The following COX4I1 variants were observed in gnomAD, a reference collection of about 807,000 sequenced individuals.
COX4I1 encodes the protein cytochrome c oxidase subunit 4I1.
In COX4I1, 18 loss-of-function variants were observed where a neutral mutation model predicts 21.7. That is an observed-to-expected ratio of 0.83 (90% CI 0.57 to 1.23). The LOEUF is 1.23. Among genes scored for constraint, COX4I1 ranks in the 50% most tolerant of loss-of-function variants. The pLI, the probability that COX4I1 is intolerant of heterozygous loss-of-function variation, is 0.00. For missense variants in COX4I1, 238 were observed against 220.7 expected (o/e 1.08, Z -0.50); for synonymous variants, 100 against 81.5 (o/e 1.23, Z -1.23).
At chr16:85,801,348 C>T (rs966454617) in intron 2 of COX4I1, 70 bp downstream of exon 2, 1 of 1,386,498 alleles carries the variant, frequency 7.2e-7, no homozygotes, top group Admixed American at 1.7e-5. Flanking sequence ...TGTATAAAGC[C>T]CTGTGCTGGA....
chr16:85,806,103 T>C (rs778117517), intron 4 of COX4I1: 312 of 602,976 alleles, frequency 5.2e-4, no homozygotes, highest in Non-Finnish European at 7.5e-4. Flanking sequence ...TGAAATACCT[T>C]AACTACTTTG....
chr16:85,806,600 G>A (rs1906222840), intron 4 of COX4I1, 138 bp from the exon 5 acceptor site: 1 of 1,238,430 alleles, frequency 8.1e-7, no homozygotes, highest in Non-Finnish European at 1.2e-6. Flanking sequence ...GAAACCGTGT[G>A]TTTGAGCGGG....
At position 85,805,116 on chromosome 16, in the gene COX4I1, A is replaced by G; in HGVS notation, c.241+12A>G. ...TGAGAAAGTCGAGTGTGGGTATTGAAGGGACCCACAGGCGCGCCCAGCAGC... is the reference window on the plus strand; with the variant it reads ...TGAGAAAGTCGAGTGTGGGTATTGAGGGGACCCACAGGCGCGCCCAGCAGC... On this transcript the variant is annotated intron_variant, in intron 3 of 4. Coordinates refer to ENST00000253452, the MANE Select transcript of COX4I1 (RefSeq NM_001861.6). 6.2e-7 allele frequency: 1 copy of G among 1,605,878 alleles called. No homozygotes were observed. Among genetic ancestry groups the G allele is most frequent in the Non-Finnish European group, 8.5e-7 (1 of 1,176,724 alleles).
rs756438050 is a variant in COX4I1, at chr16:85,805,824, C to G, written c.333C>G (p.Ile111Met). Residue 111 changes from isoleucine (I) to methionine (M), a missense_variant, in exon 4 of 5, where the codon ATC becomes ATG. Ile to Met is a conservative substitution (Grantham distance 10, BLOSUM62 1). Transcript: ENST00000253452. Reference sequence around the variant, plus strand: ...TTGTGGGCGGTGCCATGTTCTTCATCGGTTTCACCGCGCTCGTTATCATGT... The same window carrying G: ...TTGTGGGCGGTGCCATGTTCTTCATGGGTTTCACCGCGCTCGTTATCATGT... ...KTVVGGAMFF[I>M]GFTALVIMWQ... 5 of 1,614,104 alleles carry G rather than the reference C, an allele frequency of 3.1e-6. No homozygotes were observed. The highest frequency in any genetic ancestry group is 4.2e-6 in the Non-Finnish European group (5 of 1,180,054).
At chr16:85,804,761 C>T in intron 2 of COX4I1, 176 bp from the exon 3 acceptor site, 1 of 574,998 alleles carries the variant, frequency 1.7e-6, no homozygotes. Context: ...ATGAGAAGTG[C>T]TTCTGTTCCC....
Position 85,805,734 on chromosome 16 carries a change from G to A in COX4I1, c.243G>A (p.Leu81=), listed in dbSNP as rs750829937. 1.9e-6 allele frequency: 3 copies of A among 1,614,226 alleles called. No homozygotes were observed. The East Asian group carries it at 6.7e-5, about 36-fold the overall frequency. The change falls in exon 4 of 5, where the codon TTG becomes TTA. Residue 81 remains leucine, a splice_region_variant and synonymous_variant. Coordinates refer to ENST00000253452, the MANE Select transcript of COX4I1 (RefSeq NM_001861.6). ...SSLSMDEKVE[L]YRIKFKESFA... ...AATGGCTGTCCTCTCTGCCCCCAGT[G>A]TATCGCATTAAGTTCAAGGAGAGCT...
Position 85,806,801 on chromosome 16 carries a change from T to G in COX4I1, c.437T>G (p.Leu146Arg), listed in dbSNP as rs1303407874. 1 of 1,614,096 alleles carries G rather than the reference T, an allele frequency of 6.2e-7. No individual in the cohort carries two copies. Among genetic ancestry groups the G allele is most frequent in the Non-Finnish European group, 8.5e-7 (1 of 1,180,036 alleles). The change falls in exon 5 of 5, where the codon CTG (leucine) becomes CGG (arginine). Residue 146 changes from leucine (L) to arginine (R), a missense_variant. Coordinates refer to ENST00000253452, the MANE Select transcript of COX4I1 (RefSeq NM_001861.6). ...EWVAKQTKRM[L>R]DMKVNPIQGL... is the part of the protein sequence containing the mutation. ...GTGGCCAAGCAGACCAAGAGGATGC[T>G]GGACATGAAGGTGAACCCCATCCAG...
chr16:85,802,296 C>G (rs950383895), intron 2 of COX4I1, among the ~76,000 whole-genome samples: 3 of 152,242 alleles, frequency 2.0e-5, no homozygotes, highest in East Asian at 3.8e-4. Flanking sequence ...TCAGGAAGCT[C>G]CCTGTCACCT....
intron 3 of COX4I1, 185 bp from the exon 4 acceptor site, chr16:85,805,548 C>T (rs2152084140): frequency 1.3e-6 from 1 of 779,562 alleles, no homozygotes. Context: ...CTTGCCCTGT[C>T]ACATGCCTGC....
chr16:85,806,316 C>T (rs1049043141), intron 4 of COX4I1: 17 of 613,942 alleles, frequency 2.8e-5, no homozygotes, highest in African/African-American at 1.3e-4. Context: ...GTTGCTCGCT[C>T]GTGGTAATGA....
At chr16:85,806,550 C>G (rs942029115) in intron 4 of COX4I1, 188 bp from the exon 5 acceptor site, 3 of 830,672 alleles carry the variant, frequency 3.6e-6, no homozygotes, top group Non-Finnish European at 6.0e-6. Flanking sequence ...TTTTTACAAA[C>G]AAAGGGCTAA....
intron 4 of COX4I1, chr16:85,806,363 G>C: frequency 1.5e-6 from 1 of 666,574 alleles, no homozygotes; most frequent in South Asian, 1.6e-5. Context: ...GGCAGAACAG[G>C]CATTTTTGCA....
At chr16:85,805,197 A>AG in intron 3 of COX4I1, 93 bp downstream of exon 3, 1 of 1,178,072 alleles carries the variant, frequency 8.5e-7, no homozygotes, top group Non-Finnish European at 1.1e-6. Context: ...TACTGTCTAG[A>AG]GGCAGTCTTG....
Position 85,805,890 on chromosome 16 carries a change from G to T in COX4I1, c.373+26G>T. ...GTGAGTAGAGAGGGAGGAAGGCATG[G>T]GCGCCTGGACTGGGGCTCCAGCCTG... On this transcript the variant is annotated intron_variant, in intron 4 of 4. Transcript: ENST00000253452. 9.9e-6 allele frequency: 16 copies of T among 1,613,612 alleles called. No homozygotes were observed. The highest frequency in any genetic ancestry group is 1.4e-5 in the Non-Finnish European group (16 of 1,179,618).
rs1427272167 is a variant in COX4I1 at position 85,806,893 on chromosome 16, T to G, written c.*19T>G. 3.7e-6 allele frequency: 6 copies of G among 1,604,322 alleles called. No homozygotes were observed. In the African/African-American group the frequency reaches 5.3e-5, roughly 14 times the overall value. ...GAAGTGAGAGATGCTGGCCTGCGCC[T>G]GCACCTGCGCCTGGCTCTGTCACCG... is the stretch of plus-strand genomic sequence containing the variant. On this transcript the variant is annotated 3_prime_UTR_variant, in exon 5 of 5. Transcript: ENST00000253452.
Position 85,803,918 on chromosome 16 carries a change from T to C in COX4I1, c.74-1019T>C, listed in dbSNP as rs1905963597. 2 of 152,280 alleles carry C rather than the reference T, an allele frequency of 1.3e-5. 1 individual carries two copies. Among genetic ancestry groups the C allele is most frequent in the Admixed American group, 1.3e-4 (2 of 15,282 alleles). The allele number at this position is 152,280 out of a possible 1,614,324, so 9.4% of individuals were successfully genotyped here. A position where few individuals can be genotyped will look rare whatever the true frequency, so the allele number is the denominator to read the frequency against. The stretch of plus-strand genomic sequence containing the variant: ...TTCCTGATGCCCCGCTGCTCTACTC[T>C]TTCTCCAGAGTACTTTTTCCAAACA... On this transcript the variant is annotated intron_variant, in intron 2 of 4. Coordinates refer to ENST00000253452, the MANE Select transcript of COX4I1 (RefSeq NM_001861.6).
chr16:85,802,775 T>C (rs1299659004), intron 2 of COX4I1, among the ~76,000 whole-genome samples: 1 of 152,214 alleles, frequency 6.6e-6, no homozygotes, highest in African/African-American at 2.4e-5. Flanking sequence ...ATATTAACCA[T>C]TGATTTTCCC....
chr16:85,805,963 G>C, intron 4 of COX4I1, 99 bp downstream of exon 4: 2 of 1,514,202 alleles, frequency 1.3e-6, no homozygotes, highest in Non-Finnish European at 9.1e-7. Context: ...TTGAGGCTAT[G>C]AGATAGGGAC....
chr16:85,805,252 GC>G, intron 3 of COX4I1, 148 bp downstream of exon 3: 2 of 763,318 alleles, frequency 2.6e-6, no homozygotes, highest in Non-Finnish European at 2.0e-6. Flanking sequence ...CTGTGCCAGG[GC>G]CCCAGTTTAT....
Sources: allele counts gnomAD v4.1 joint callset (sites outside exome capture counted in the v4.1 genomes callset), GRCh38; gene constraint gnomAD v4.1.1; transcripts MANE v1.5; gene names NCBI Gene and HGNC (gene_info 2026-07-23, HGNC 2026-07-21).